The following KLHL3 variants were observed in gnomAD, a reference collection of about 807,000 sequenced individuals.
KLHL3 encodes the protein kelch-like protein 3.
Under a neutral mutation model 70.5 loss-of-function variants are expected in KLHL3, and 19 were observed. The ratio of observed to expected loss-of-function variants is 0.27; its 90% CI spans 0.19 to 0.40. The LOEUF is 0.40. Among genes scored for constraint, KLHL3 ranks in the 10% least tolerant of loss-of-function variants. The pLI is 1.00. For missense variants in KLHL3, 512 were observed against 771.1 expected (o/e 0.66, Z 3.98); for synonymous variants, 258 against 290.3 (o/e 0.89, Z 1.13).
intron 2 of KLHL3, among the ~76,000 whole-genome samples, chr5:137,711,540 G>A (rs953306910): frequency 1.3e-5 from 2 of 152,216 alleles, no homozygotes; most frequent in Non-Finnish European, 2.9e-5. Flanking sequence ...CTGGAAGGGT[G>A]AGACCTTTGG....
intron 1 of KLHL3, among the ~76,000 whole-genome samples, chr5:137,732,334 A>G (rs1753191808): frequency 6.6e-6 from 1 of 151,958 alleles, no homozygotes; most frequent in Non-Finnish European, 1.5e-5. Flanking sequence ...GGTCCAGGAG[A>G]GACCTGGAAA....
chr5:137,731,537 C>T (rs1041766486), intron 1 of KLHL3, among the ~76,000 whole-genome samples: 1 of 152,116 alleles, frequency 6.6e-6, no homozygotes, highest in Non-Finnish European at 1.5e-5. Context: ...ATCTGTCGTT[C>T]CTGGATCAAG....
chr5:137,648,466 A>G (rs942514688), intron 8 of KLHL3, among the ~76,000 whole-genome samples: 2 of 152,238 alleles, frequency 1.3e-5, no homozygotes, highest in Admixed American at 6.5e-5. Flanking sequence ...GTTCATTTGC[A>G]TCTTCCTGAA....
chr5:137,683,451 ACTCT>A (rs1431098321), intron 5 of KLHL3, among the ~76,000 whole-genome samples: 1 of 151,438 alleles, frequency 6.6e-6, no homozygotes, highest in African/African-American at 2.4e-5. Context: ...CTGCCTTAAA[ACTCT>A]CTCTTCTGCC....
At chr5:137,625,495 T>C (rs1374926745) in intron 14 of KLHL3, among the ~76,000 whole-genome samples, 3 of 152,226 alleles carry the variant, frequency 2.0e-5, no homozygotes, top group Non-Finnish European at 2.9e-5. Flanking sequence ...GGAATGAATG[T>C]TATAAATTCT....
In KLHL3 at chr5:137,627,474, A is replaced by ACCCCCCCCCCCCCCCC. The variant is rs1215063936; in HGVS notation, c.1591+822_1591+823insGGGGGGGGGGGGGGGG. ...GGCAATGAGTAAATTAGTAAATATC[A>ACCCCCCCCCCCCCCCC]CCACCCCCCCCCCCGGTTTACACTT... On this transcript the variant is annotated intron_variant, in intron 13 of 14. Coordinates refer to ENST00000309755, the MANE Select transcript of KLHL3 (RefSeq NM_017415.3). Among the ~76,000 whole-genome samples, 4 of 53,106 alleles carry ACCCCCCCCCCCCCCCC rather than the reference A, an allele frequency of 7.5e-5. 2 individuals are homozygous for ACCCCCCCCCCCCCCCC. Among genetic ancestry groups the ACCCCCCCCCCCCCCCC allele is most frequent in the Non-Finnish European group, 1.7e-4 (4 of 22,952 alleles). The allele number at this position is 53,106 out of a possible 152,430, so 34.8% of individuals were successfully genotyped here.
intron 3 of KLHL3, among the ~76,000 whole-genome samples, chr5:137,698,823 G>C (rs2967804): frequency 0.78 from 118,891 of 152,238 alleles, 46,660 homozygotes; most frequent in East Asian, 0.98. Flanking sequence ...GAGCTTAGTA[G>C]ACAGTTATAC....
At chr5:137,655,051 C>T (rs990565550) in intron 8 of KLHL3, among the ~76,000 whole-genome samples, 5 of 152,164 alleles carry the variant, frequency 3.3e-5, no homozygotes, top group African/African-American at 7.2e-5. Flanking sequence ...CACAAAAAAG[C>T]TGGGCCAGTG....
intron 2 of KLHL3, among the ~76,000 whole-genome samples, chr5:137,718,533 T>C (rs970661639): frequency 3.3e-5 from 5 of 152,136 alleles, no homozygotes; most frequent in Non-Finnish European, 7.4e-5. Context: ...AAGAGGTTAG[T>C]AATAGAAAGT....
intron 13 of KLHL3, 101 bp from the exon 14 acceptor site, chr5:137,625,997 C>G (rs1395135216): frequency 7.0e-7 from 1 of 1,428,242 alleles, no homozygotes; most frequent in Non-Finnish European, 9.6e-7. Context: ...GGCTCTTTTC[C>G]TCCCTTCATG....
chr5:137,622,788 G>A (rs140442330), intron 14 of KLHL3, among the ~76,000 whole-genome samples: 5 of 152,292 alleles, frequency 3.3e-5, no homozygotes, highest in Non-Finnish European at 4.4e-5. Flanking sequence ...ATAAATCCAC[G>A]CATGACCCAA....
At chr5:137,718,117 A>C (rs1752929378) in intron 2 of KLHL3, among the ~76,000 whole-genome samples, 2 of 152,248 alleles carry the variant, frequency 1.3e-5, no homozygotes, top group South Asian at 4.1e-4. Context: ...AGCATTCTTC[A>C]AACTCATTGG....
chr5:137,698,209 G>C, intron 4 of KLHL3, 78 bp downstream of exon 4: 2 of 1,555,366 alleles, frequency 1.3e-6, no homozygotes, highest in Admixed American at 1.7e-5. Flanking sequence ...ATTGTTGTGA[G>C]GGTTAAATAA....
In KLHL3 at chr5:137,634,084, T is replaced by C; in HGVS notation, c.1403A>G (p.Asn468Ser). ...STVEQYNPAT[N>S]EWIYVADMST... ...CATGTCCGCCACGTATATCCATTCA[T>C]TGGTCGCTGGGTTGTACTGCTCCAC... is the stretch of plus-strand genomic sequence containing the variant. Residue 468 changes from asparagine to serine, a missense_variant, in exon 12 of 15, where the codon AAT (asparagine) becomes AGT (serine). Physicochemically the swap from Asn to Ser is conservative, Grantham distance 46. Coordinates refer to ENST00000309755, the MANE Select transcript of KLHL3 (RefSeq NM_017415.3). 1 of 1,614,206 alleles carries C rather than the reference T, an allele frequency of 6.2e-7. No homozygotes were observed. The highest frequency in any genetic ancestry group is 8.5e-7 in the Non-Finnish European group (1 of 1,180,032).
chr5:137,712,415 G>A (rs1484871385), intron 2 of KLHL3, among the ~76,000 whole-genome samples: 1 of 152,128 alleles, frequency 6.6e-6, no homozygotes, highest in Non-Finnish European at 1.5e-5. Context: ...CAGTTCTGAT[G>A]GGTGGAAAGT....
intron 2 of KLHL3, 135 bp from the exon 3 acceptor site, chr5:137,709,991 T>C (rs1376892958): frequency 1.4e-6 from 1 of 694,300 alleles, no homozygotes; most frequent in Non-Finnish European, 2.6e-6. Context: ...TGCTCTATCT[T>C]GAGTTAGGGA....
intron 5 of KLHL3, among the ~76,000 whole-genome samples, chr5:137,683,875 C>T (rs1752098141): frequency 6.6e-6 from 1 of 152,070 alleles, no homozygotes; most frequent in Non-Finnish European, 1.5e-5. Flanking sequence ...TGAGGTTCCC[C>T]ATAACCCAGA....
intron 3 of KLHL3, among the ~76,000 whole-genome samples, chr5:137,705,748 T>C (rs1425279240): frequency 2.6e-5 from 4 of 152,112 alleles, no homozygotes; most frequent in African/African-American, 9.7e-5. Flanking sequence ...CAGGGACCCA[T>C]ATGGAGTACA....
intron 1 of KLHL3, among the ~76,000 whole-genome samples, chr5:137,725,922 G>A (rs1753078843): frequency 6.6e-6 from 1 of 152,176 alleles, no homozygotes; most frequent in Non-Finnish European, 1.5e-5. Flanking sequence ...ACATACATGT[G>A]AGACAGTCAA....
Sources: allele counts gnomAD v4.1 joint callset (sites outside exome capture counted in the v4.1 genomes callset), GRCh38; gene constraint gnomAD v4.1.1; transcripts MANE v1.5; gene names NCBI Gene and HGNC (gene_info 2026-07-23, HGNC 2026-07-21).